Variants in TMEM132B observed in about 807,000 individuals in gnomAD.
TMEM132B encodes the protein transmembrane protein 132B.
Under a neutral mutation model 90.8 loss-of-function variants are expected in TMEM132B, and 18 were observed. The observed-to-expected ratio is 0.20, with a 90% confidence interval of 0.14 to 0.29. The LOEUF (loss-of-function observed/expected upper bound fraction) is 0.29, where lower values mean the gene tolerates loss of function less well. Ranked by LOEUF, TMEM132B falls within the 10% of genes least tolerant of loss-of-function variation. The pLI is 1.00. For missense variants in TMEM132B, 1,096 were observed against 1,326.8 expected, an observed-to-expected ratio of 0.83 and a Z score of 2.70; for synonymous variants, 504 against 523.3, an observed-to-expected ratio of 0.96 and a Z score of 0.50.
At chr12:125,583,075 T>C (rs987050923) in intron 4 of TMEM132B, among the ~76,000 whole-genome samples, 1 of 152,178 alleles carries the variant, frequency 6.6e-6, no homozygotes, top group Admixed American at 6.5e-5. Context: ...ATAATTTTGT[T>C]GTAAAGAGAA....
At chr12:125,548,757 G>A (rs573304660) in intron 4 of TMEM132B, among the ~76,000 whole-genome samples, 1 of 152,320 alleles carries the variant, frequency 6.6e-6, no homozygotes, top group Admixed American at 6.5e-5. Context: ...CATGGTTTAT[G>A]TTTGAGAAAC....
At chr12:125,475,270 TATA>T (rs1251160079) in intron 3 of TMEM132B, among the ~76,000 whole-genome samples, 1 of 152,194 alleles carries the variant, frequency 6.6e-6, no homozygotes, top group African/African-American at 2.4e-5. Flanking sequence ...TCAACATTAT[TATA>T]ATATTTTATT....
intron 1 of TMEM132B, among the ~76,000 whole-genome samples, chr12:125,347,190 C>T (rs1877392908): frequency 6.6e-6 from 1 of 152,168 alleles, no homozygotes; most frequent in South Asian, 2.1e-4. Flanking sequence ...TGAACATAGT[C>T]TCTAGTTCCT....
chr12:125,379,140 A>G (rs1410044592), intron 2 of TMEM132B, among the ~76,000 whole-genome samples: 1 of 152,222 alleles, frequency 6.6e-6, no homozygotes, highest in Non-Finnish European at 1.5e-5. Context: ...TAGGCAGAAT[A>G]ATAATGCTCC....
chr12:125,396,192 T>C (rs1361664367), intron 2 of TMEM132B, among the ~76,000 whole-genome samples: 16 of 152,218 alleles, frequency 1.1e-4, no homozygotes. Context: ...CTGGGCAGTT[T>C]CCATTAATCT....
chr12:125,216,976 A>T (rs962599), intron 1 of TMEM132B, among the ~76,000 whole-genome samples: 29,032 of 152,176 alleles, frequency 0.19, 2,897 homozygotes, highest in South Asian at 0.31. Context: ...GCCCTGAGCC[A>T]CTCGGCCGCG....
intron 4 of TMEM132B, among the ~76,000 whole-genome samples, chr12:125,571,355 A>T (rs1208859296): frequency 6.6e-6 from 1 of 152,190 alleles, no homozygotes; most frequent in Non-Finnish European, 1.5e-5. Flanking sequence ...TAATAAGACC[A>T]GTTAGTGTTT....
intron 1 of TMEM132B, among the ~76,000 whole-genome samples, chr12:125,232,484 T>C (rs1384641658): frequency 6.6e-6 from 1 of 152,086 alleles, no homozygotes; most frequent in African/African-American, 2.4e-5. Context: ...ATATCTGTAA[T>C]AGAGAATTCC....
chr12:125,319,639 T>C (rs1039891353), intron 1 of TMEM132B, among the ~76,000 whole-genome samples: 26 of 152,242 alleles, frequency 1.7e-4, no homozygotes, highest in African/African-American at 5.3e-4. Context: ...CCTTCCTTCT[T>C]GTTGACTCAA....
chr12:125,543,546 G>C (rs1179847685), intron 4 of TMEM132B, among the ~76,000 whole-genome samples: 3 of 152,218 alleles, frequency 2.0e-5, no homozygotes, highest in African/African-American at 4.8e-5. Context: ...ATCTTATGCA[G>C]ATACCTAGGG....
At chr12:125,577,069 T>C (rs1884958155) in intron 4 of TMEM132B, among the ~76,000 whole-genome samples, 1 of 151,960 alleles carries the variant, frequency 6.6e-6, no homozygotes, top group Non-Finnish European at 1.5e-5. Flanking sequence ...AATATTACTC[T>C]TTCTTCAATC....
chr12:125,298,991 C>A (rs984245919), intron 1 of TMEM132B, among the ~76,000 whole-genome samples: 1 of 151,972 alleles, frequency 6.6e-6, no homozygotes, highest in Non-Finnish European at 1.5e-5. Context: ...CCTCGGCCTC[C>A]CAAAGTGCTG....
intron 5 of TMEM132B, chr12:125,584,247 A>G (rs1184375234): frequency 2.0e-6 from 1 of 507,362 alleles, no homozygotes; most frequent in East Asian, 3.6e-5. Flanking sequence ...GAAAGAATTT[A>G]TTCTCCTCCC....
At chr12:125,473,621 C>G (rs577751632) in intron 3 of TMEM132B, among the ~76,000 whole-genome samples, 14 of 152,328 alleles carry the variant, frequency 9.2e-5, no homozygotes, top group African/African-American at 3.4e-4. Flanking sequence ...TCATGGGACT[C>G]TCCTGTGGAG....
intron 1 of TMEM132B, chr12:125,301,908 A>AAAACAAAACAAAAG: frequency 3.4e-5 from 1 of 29,160 alleles, no homozygotes; most frequent in African/African-American, 1.4e-4. Flanking sequence ...CAAAACAAAA[A>AAAACAAAACAAAAG]AAGAAAAAAT....
At chr12:125,443,788 GT>G (rs542598646) in intron 3 of TMEM132B, among the ~76,000 whole-genome samples, 1 of 151,906 alleles carries the variant, frequency 6.6e-6, no homozygotes, top group Non-Finnish European at 1.5e-5. Flanking sequence ...CAAGAAAAAT[GT>G]TTTTTTTAAA....
intron 4 of TMEM132B, among the ~76,000 whole-genome samples, chr12:125,562,169 CT>C (rs1884549174): frequency 1.3e-5 from 2 of 152,224 alleles, no homozygotes; most frequent in African/African-American, 4.8e-5. Flanking sequence ...TGACTTAAGC[CT>C]TATGAACCAA....
chr12:125,198,449 G>A (rs974535467), intron 1 of TMEM132B, among the ~76,000 whole-genome samples: 4 of 152,154 alleles, frequency 2.6e-5, no homozygotes, highest in African/African-American at 7.2e-5. Context: ...GGCAAAGCTG[G>A]CCACAGTTGG....
chr12:125,193,813 T>C (rs1406755838), intron 1 of TMEM132B, among the ~76,000 whole-genome samples: 1 of 152,218 alleles, frequency 6.6e-6, no homozygotes, highest in African/African-American at 2.4e-5. Flanking sequence ...ACTCTGTCAT[T>C]CTTGCAGAGC....
Sources: gnomAD v4.1 joint callset for allele counts (sites outside exome capture counted in the v4.1 genomes callset) on GRCh38, gnomAD v4.1.1 for gene constraint, MANE v1.5 for transcripts, NCBI Gene and HGNC (gene_info 2026-07-23, HGNC 2026-07-21) for gene names.